LRRC7: variants seen among roughly 807,000 people sequenced by gnomAD.
The protein encoded by LRRC7 is leucine rich repeat containing 7, also known as leucine-rich repeat-containing protein 7.
A neutral mutation model predicts 175.7 loss-of-function variants in LRRC7; 23 were observed. That is an observed-to-expected ratio of 0.13 (90% CI 0.09 to 0.19). LRRC7 has a LOEUF of 0.19. Ranked by LOEUF, LRRC7 falls within the 10% of genes least tolerant of loss-of-function variation. The pLI is 1.00. For missense variants in LRRC7, 1,354 were observed against 1,904.7 expected, an observed-to-expected ratio of 0.71 and a Z score of 5.38; for synonymous variants, 685 against 680.9, an observed-to-expected ratio of 1.01 and a Z score of -0.09.
chr1:70,004,704 A>G lies in LRRC7; in HGVS notation c.1005-7093A>G, dbSNP rs542015087. Reference sequence around the variant, plus strand: ...TTAAGCAGCTCACCTTTGCCAAACAAATCTCTCTCTCTCTCTCTCCCCCCG... The same window carrying G: ...TTAAGCAGCTCACCTTTGCCAAACAGATCTCTCTCTCTCTCTCTCCCCCCG... On this transcript the variant is annotated intron_variant, in intron 11 of 26. Transcript: ENST00000651989. Among the ~76,000 whole-genome samples the G allele has an allele frequency of 9.3e-5, 14 of 150,070 alleles. No individual in the cohort carries two copies. In the East Asian group the frequency reaches 2.6e-3, roughly 28 times the overall value.
chr1:69,769,341 C>A (rs566188994), intron 3 of LRRC7, among the ~76,000 whole-genome samples: 1 of 152,212 alleles, frequency 6.6e-6, no homozygotes, highest in South Asian at 2.1e-4. Flanking sequence ...TTAAAAAGAG[C>A]AAAGTAATCT....
intron 1 of LRRC7, among the ~76,000 whole-genome samples, chr1:69,643,594 C>T (rs1476247809): frequency 3.4e-4 from 52 of 152,102 alleles, no homozygotes; most frequent in Admixed American, 3.4e-3. Context: ...TCTTATTAAC[C>T]ATAGGAAAGT....
chr1:69,887,922 G>A (rs899582986), intron 7 of LRRC7, among the ~76,000 whole-genome samples: 1 of 146,934 alleles, frequency 6.8e-6, no homozygotes. Context: ...CTCTCAGTTA[G>A]GCTGCTCAGG....
chr1:69,596,604 C>A (rs1191063663), intron 1 of LRRC7, among the ~76,000 whole-genome samples: 1 of 152,132 alleles, frequency 6.6e-6, no homozygotes, highest in Non-Finnish European at 1.5e-5. Flanking sequence ...TTAAGTGGGA[C>A]AAACTATTTT....
At chr1:69,927,002 G>T (rs559749257) in intron 7 of LRRC7, among the ~76,000 whole-genome samples, 1 of 152,254 alleles carries the variant, frequency 6.6e-6, no homozygotes, top group East Asian at 1.9e-4. Flanking sequence ...GGACAGGCCT[G>T]GTGGTGACAA....
At chr1:70,054,655 G>A (rs973345748) in intron 23 of LRRC7, among the ~76,000 whole-genome samples, 8 of 128,146 alleles carry the variant, frequency 6.2e-5, no homozygotes, top group African/African-American at 2.2e-4. Context: ...GCAGTGGCGC[G>A]ATCTCTGCTC....
At chr1:69,817,839 C>T (rs1678780007) in intron 4 of LRRC7, among the ~76,000 whole-genome samples, 1 of 152,062 alleles carries the variant, frequency 6.6e-6, no homozygotes, top group African/African-American at 2.4e-5. Flanking sequence ...ACAGATTTTT[C>T]ACCTCAGTTA....
At chr1:69,660,276 G>A (rs1657263386) in intron 1 of LRRC7, among the ~76,000 whole-genome samples, 1 of 151,970 alleles carries the variant, frequency 6.6e-6, no homozygotes, top group Admixed American at 6.6e-5. Flanking sequence ...CAATAATATA[G>A]TCTCAAATTA....
chr1:70,078,918 T>C (rs572002438), intron 24 of LRRC7, among the ~76,000 whole-genome samples: 1 of 151,820 alleles, frequency 6.6e-6, no homozygotes, highest in Non-Finnish European at 1.5e-5. Flanking sequence ...ATTTTAAGAA[T>C]TCAAATATTT....
intron 22 of LRRC7, among the ~76,000 whole-genome samples, chr1:70,050,607 C>A (rs1660674292): frequency 6.6e-6 from 1 of 151,960 alleles, no homozygotes; most frequent in South Asian, 2.1e-4. Flanking sequence ...ATAGCTGAAC[C>A]TCAGTTCAAT....
At chr1:69,618,305 T>C (rs1174657732) in intron 1 of LRRC7, among the ~76,000 whole-genome samples, 1 of 152,148 alleles carries the variant, frequency 6.6e-6, no homozygotes, top group Admixed American at 6.6e-5. Flanking sequence ...GTTATATAAA[T>C]ACCAAAGTTT....
At chr1:69,822,200 T>C (rs966797662) in intron 4 of LRRC7, among the ~76,000 whole-genome samples, 6 of 152,182 alleles carry the variant, frequency 3.9e-5, no homozygotes, top group Admixed American at 3.3e-4. Context: ...AGTCTCTCAC[T>C]TGTTTTTTTA....
chr1:69,878,185 G>A (rs1048262243), intron 7 of LRRC7, among the ~76,000 whole-genome samples: 10 of 149,958 alleles, frequency 6.7e-5, no homozygotes, highest in African/African-American at 1.5e-4. Context: ...CCTGTTTGTC[G>A]TTACTACTAG....
intron 2 of LRRC7, among the ~76,000 whole-genome samples, chr1:69,727,401 T>C (rs1667092916): frequency 6.6e-6 from 1 of 152,202 alleles, no homozygotes; most frequent in Non-Finnish European, 1.5e-5. Context: ...CCCGCCATCA[T>C]CTTTTTGCCA....
At chr1:69,994,059 G>A (rs1256285928) in intron 10 of LRRC7, among the ~76,000 whole-genome samples, 3 of 152,174 alleles carry the variant, frequency 2.0e-5, no homozygotes, top group Non-Finnish European at 4.4e-5. Context: ...AGAATATGAC[G>A]TCATATGTTG....
At position 70,097,492 on chromosome 1, in the gene LRRC7, G is replaced by A. The variant is rs1664494799; in HGVS notation, c.4545+7673G>A. On this transcript the variant is annotated intron_variant, in intron 25 of 26. Coordinates refer to ENST00000651989, the MANE Select transcript of LRRC7 (RefSeq NM_001370785.2). The stretch of plus-strand genomic sequence containing the variant: ...TTTTTTTATTGTACTTTAAGTTTTA[G>A]GGTACATGTGCACATTGTTCTGGTT... Among the ~76,000 whole-genome samples the A allele has an allele frequency of 2.0e-5, 3 of 151,904 alleles. No individual in the cohort carries two copies. In the South Asian group the frequency reaches 6.2e-4, roughly 31 times the overall value.
At chr1:69,754,922 T>G (rs1435555150) in intron 2 of LRRC7, among the ~76,000 whole-genome samples, 2 of 151,854 alleles carry the variant, frequency 1.3e-5, no homozygotes, top group African/African-American at 4.8e-5. Context: ...TGAATGATAT[T>G]GTAAAGAAAA....
chr1:70,000,177 G>T (rs1377753919), intron 11 of LRRC7, among the ~76,000 whole-genome samples: 2 of 152,188 alleles, frequency 1.3e-5, no homozygotes, highest in African/African-American at 4.8e-5. Flanking sequence ...ATTATAAAAT[G>T]TATAAACAGC....
intron 24 of LRRC7, among the ~76,000 whole-genome samples, chr1:70,081,322 A>G (rs369623754): frequency 2.0e-5 from 3 of 152,260 alleles, no homozygotes; most frequent in African/African-American, 4.8e-5. Context: ...TTGCAAATGT[A>G]TAATACAAGA....
Sources: gnomAD v4.1 joint callset for allele counts (sites outside exome capture counted in the v4.1 genomes callset) on GRCh38, gnomAD v4.1.1 for gene constraint, MANE v1.5 for transcripts, NCBI Gene and HGNC (gene_info 2026-07-23, HGNC 2026-07-21) for gene names.